Variants in GRM8 observed in about 807,000 individuals in gnomAD.
The protein encoded by GRM8 is glutamate metabotropic receptor 8, also known as metabotropic glutamate receptor 8.
GRM8 carries 47 observed loss-of-function variants against 87.2 expected under a neutral mutation model. That is an observed-to-expected ratio of 0.54 (90% confidence interval 0.43 to 0.69). The LOEUF is 0.69. GRM8 is among the 30% of genes least tolerant of loss of function. The pLI is 0.00. For missense variants in GRM8, 1,019 were observed against 1,139.2 expected (o/e 0.89, Z 1.52); for synonymous variants, 396 against 404.5 (o/e 0.98, Z 0.25).
chr7:126,639,401 G>A (rs1479670706), intron 7 of GRM8, among the ~76,000 whole-genome samples: 2 of 152,140 alleles, frequency 1.3e-5, no homozygotes, highest in East Asian at 3.9e-4. Context: ...AGGCCCAAAG[G>A]GGGAGTTATT....
chr7:127,142,746 C>A (rs1255814808), intron 2 of GRM8, among the ~76,000 whole-genome samples: 1 of 151,938 alleles, frequency 6.6e-6, no homozygotes, highest in Non-Finnish European at 1.5e-5. Context: ...GACGGATGGA[C>A]AGCGAGACAG....
chr7:126,934,822 T>A (rs1806129165), intron 3 of GRM8, among the ~76,000 whole-genome samples: 2 of 152,190 alleles, frequency 1.3e-5, no homozygotes, highest in South Asian at 4.1e-4. Context: ...TTTGACTCCT[T>A]GGAGGTTTGG....
At chr7:127,017,158 G>T (rs1586762651) in intron 3 of GRM8, among the ~76,000 whole-genome samples, 1 of 151,924 alleles carries the variant, frequency 6.6e-6, no homozygotes, top group Non-Finnish European at 1.5e-5. Flanking sequence ...TTTTAATACT[G>T]TTTTCTGATA....
intron 2 of GRM8, among the ~76,000 whole-genome samples, chr7:127,207,492 A>G (rs1795978267): frequency 1.3e-5 from 2 of 152,212 alleles, no homozygotes. Context: ...ATGATACTGA[A>G]CACATAAGGA....
rs117098391 is a variant in GRM8, at chr7:127,149,650, G to C, written c.511-42938C>G. 3.7e-4 allele frequency among the ~76,000 whole-genome samples: 56 copies of C among 152,186 alleles called. No homozygotes were observed. In the East Asian group the frequency reaches 0.01, roughly 27 times the overall value. Reference sequence around the variant, plus strand: ...AGCATTATTCCCAACAGCCAAGACAGGGAAACAACCTAAGTGTCAGCTAAT... The same window carrying C: ...AGCATTATTCCCAACAGCCAAGACACGGAAACAACCTAAGTGTCAGCTAAT... On this transcript the variant is annotated intron_variant, in intron 2 of 10. Coordinates refer to ENST00000339582, the MANE Select transcript of GRM8 (RefSeq NM_000845.3).
intron 7 of GRM8, among the ~76,000 whole-genome samples, chr7:126,627,701 GT>G (rs1800840419): frequency 6.6e-6 from 1 of 151,880 alleles, no homozygotes; most frequent in Non-Finnish European, 1.5e-5. Context: ...CTTTTCATCA[GT>G]TTAAGAAAGT....
intron 8 of GRM8, among the ~76,000 whole-genome samples, chr7:126,576,676 T>A (rs1036353438): frequency 6.6e-6 from 1 of 152,192 alleles, no homozygotes; most frequent in African/African-American, 2.4e-5. Context: ...CCACACTGAC[T>A]GACTCTCATC....
At chr7:126,921,546 T>G (rs986493357) in intron 3 of GRM8, among the ~76,000 whole-genome samples, 2 of 152,046 alleles carry the variant, frequency 1.3e-5, no homozygotes, top group African/African-American at 4.8e-5. Flanking sequence ...TGAAGGAATA[T>G]TAACACAAAA....
At chr7:126,666,035 G>T (rs191478237) in intron 7 of GRM8, among the ~76,000 whole-genome samples, 3 of 152,244 alleles carry the variant, frequency 2.0e-5, no homozygotes, top group African/African-American at 7.2e-5. Flanking sequence ...TGCAGTACAT[G>T]TCATGGGATT....
rs147145200 is a variant in GRM8, at chr7:126,554,727, T to G, written c.1495-20840A>C. Among the ~76,000 whole-genome samples, 13 of 152,320 alleles carry G rather than the reference T, an allele frequency of 8.5e-5. No individual in the cohort carries two copies. In the East Asian group the frequency reaches 2.1e-3, roughly 25 times the overall value. ...AAAGTATAGTTAAACAAAATTATTT[T>G]TATAAAAGTTTTCAGAAATAGTTTT... On this transcript the variant is annotated intron_variant, in intron 8 of 10. Coordinates refer to ENST00000339582, the MANE Select transcript of GRM8 (RefSeq NM_000845.3).
intron 3 of GRM8, among the ~76,000 whole-genome samples, chr7:127,030,005 G>A (rs958894651): frequency 6.6e-6 from 1 of 152,066 alleles, no homozygotes; most frequent in African/African-American, 2.4e-5. Flanking sequence ...CGAATAAAAG[G>A]TGTTCAAGGT....
chr7:127,207,934 T>C (rs1274681235), intron 2 of GRM8, among the ~76,000 whole-genome samples: 1 of 152,208 alleles, frequency 6.6e-6, no homozygotes, highest in Non-Finnish European at 1.5e-5. Context: ...AGTTTTTCTT[T>C]TTCTCTAGCA....
intron 2 of GRM8, among the ~76,000 whole-genome samples, chr7:127,169,201 A>C (rs534110506): frequency 3.0e-4 from 46 of 152,298 alleles, no homozygotes; most frequent in African/African-American, 1.0e-3. Context: ...AAAATTCTTA[A>C]GGAAATAAAA....
chr7:126,954,022 C>A (rs1586582314), intron 3 of GRM8, among the ~76,000 whole-genome samples: 1 of 152,064 alleles, frequency 6.6e-6, no homozygotes, highest in African/African-American at 2.4e-5. Context: ...AAACGAGATG[C>A]CATATGGAAA....
At chr7:127,164,764 C>T (rs1229102315) in intron 2 of GRM8, among the ~76,000 whole-genome samples, 2 of 151,996 alleles carry the variant, frequency 1.3e-5, no homozygotes, top group Non-Finnish European at 2.9e-5. Flanking sequence ...CTTGTTTCAC[C>T]TCTCCTTTAA....
intron 2 of GRM8, among the ~76,000 whole-genome samples, chr7:127,178,300 CAAAGAA>C (rs1794231569): frequency 6.6e-6 from 1 of 151,918 alleles, no homozygotes; most frequent in African/African-American, 2.4e-5. Flanking sequence ...CCAAAAAAGA[CAAAGAA>C]AAAGAATAAG....
At chr7:126,811,200 GCTACT>G (rs1259013367) in intron 6 of GRM8, among the ~76,000 whole-genome samples, 2 of 151,934 alleles carry the variant, frequency 1.3e-5, no homozygotes, top group Non-Finnish European at 2.9e-5. Flanking sequence ...TTTATTTCTG[GCTACT>G]CTATTCTGTT....
chr7:126,567,126 G>A (rs1794285646), intron 8 of GRM8, among the ~76,000 whole-genome samples: 1 of 152,106 alleles, frequency 6.6e-6, no homozygotes, highest in Non-Finnish European at 1.5e-5. Context: ...ACATTTTAAA[G>A]TTTCAATTGA....
chr7:127,044,689 C>A (rs185577298), intron 3 of GRM8, among the ~76,000 whole-genome samples: 1 of 152,012 alleles, frequency 6.6e-6, no homozygotes, highest in Non-Finnish European at 1.5e-5. Flanking sequence ...TGGTGTCAGG[C>A]AGGCTGAGGG....
Sources: allele counts gnomAD v4.1 joint callset (sites outside exome capture counted in the v4.1 genomes callset), GRCh38; gene constraint gnomAD v4.1.1; transcripts MANE v1.5; gene names NCBI Gene and HGNC (gene_info 2026-07-23, HGNC 2026-07-21).